GRID2: variants seen among roughly 807,000 people sequenced by gnomAD.
GRID2 encodes glutamate ionotropic receptor delta type subunit 2, also known as glutamate receptor ionotropic, delta-2.
Under a neutral mutation model 114.8 loss-of-function variants are expected in GRID2, and 33 were observed. That is an observed-to-expected ratio of 0.29 (90% CI 0.22 to 0.38). The LOEUF is 0.38. Among genes scored for constraint, GRID2 ranks in the 10% least tolerant of loss-of-function variants. The pLI is 1.00. For missense variants in GRID2, 1,184 were observed against 1,257.7 expected (o/e 0.94, Z 0.89); for synonymous variants, 505 against 449.9 (o/e 1.12, Z -1.55).
At chr4:93,300,648 T>C (rs1397238847) in intron 8 of GRID2, among the ~76,000 whole-genome samples, 1 of 152,200 alleles carries the variant, frequency 6.6e-6, no homozygotes, top group Non-Finnish European at 1.5e-5. Context: ...TTGTGGACTA[T>C]TGGCCCATAA....
At chr4:92,612,749 G>C (rs1050258115) in intron 2 of GRID2, among the ~76,000 whole-genome samples, 5 of 151,330 alleles carry the variant, frequency 3.3e-5, no homozygotes, top group South Asian at 2.1e-4. Flanking sequence ...TCTTGCTAAT[G>C]AATAAACTCT....
intron 1 of GRID2, among the ~76,000 whole-genome samples, chr4:92,533,182 G>GT (rs1331638804): frequency 0.038 from 5,518 of 143,878 alleles, 115 homozygotes; most frequent in Middle Eastern, 0.11. Flanking sequence ...CAACTTTGGT[G>GT]TGTTTTTTTG....
At chr4:92,434,021 C>T (rs4444795) in intron 1 of GRID2, among the ~76,000 whole-genome samples, 26,172 of 152,162 alleles carry the variant, frequency 0.17, 3,440 homozygotes, top group East Asian at 0.54. Flanking sequence ...TATAAACCCA[C>T]GTCAAAATTG....
intron 8 of GRID2, among the ~76,000 whole-genome samples, chr4:93,287,355 TAGA>T (rs953590808): frequency 6.6e-6 from 1 of 152,182 alleles, no homozygotes; most frequent in Non-Finnish European, 1.5e-5. Flanking sequence ...ACAGTGATAG[TAGA>T]AGAACTGGGA....
chr4:92,596,294 C>T (rs900070165), intron 2 of GRID2, among the ~76,000 whole-genome samples: 2 of 152,064 alleles, frequency 1.3e-5, no homozygotes, highest in Non-Finnish European at 2.9e-5. Context: ...TACTTTCCTT[C>T]CCACATCAAA....
intron 13 of GRID2, among the ~76,000 whole-genome samples, chr4:93,552,073 C>T (rs1733813479): frequency 7.0e-6 from 1 of 142,516 alleles, no homozygotes; most frequent in African/African-American, 2.6e-5. Flanking sequence ...TGTTCCCCTT[C>T]CTGTGTCCAT....
At chr4:93,707,423 C>A (rs1055150970) in intron 14 of GRID2, among the ~76,000 whole-genome samples, 3 of 152,080 alleles carry the variant, frequency 2.0e-5, no homozygotes, top group Admixed American at 1.3e-4. Context: ...CCTGCTTCAA[C>A]CTTGGTAGGT....
At chr4:92,946,661 G>C (rs1219181288) in intron 2 of GRID2, among the ~76,000 whole-genome samples, 3 of 151,964 alleles carry the variant, frequency 2.0e-5, no homozygotes, top group Non-Finnish European at 2.9e-5. Context: ...TCACCTCTAA[G>C]ACATAAACTG....
chr4:93,040,523 G>T (rs976837339), intron 2 of GRID2, among the ~76,000 whole-genome samples: 1 of 151,948 alleles, frequency 6.6e-6, no homozygotes, highest in Non-Finnish European at 1.5e-5. Flanking sequence ...TAATGTAAAG[G>T]GTATGTGGTT....
At chr4:93,199,742 G>A (rs1423332408) in intron 4 of GRID2, among the ~76,000 whole-genome samples, 2 of 152,202 alleles carry the variant, frequency 1.3e-5, no homozygotes, top group Non-Finnish European at 2.9e-5. Flanking sequence ...ATATCCCCAT[G>A]CTGCCCAGTG....
At chr4:93,066,637 A>G (rs927302021) in intron 2 of GRID2, among the ~76,000 whole-genome samples, 5 of 152,018 alleles carry the variant, frequency 3.3e-5, no homozygotes, top group African/African-American at 1.2e-4. Context: ...AATTATGTAG[A>G]AATATTTTTA....
intron 2 of GRID2, among the ~76,000 whole-genome samples, chr4:92,678,886 A>G (rs1733514001): frequency 1.3e-5 from 2 of 151,954 alleles, no homozygotes; most frequent in Non-Finnish European, 1.5e-5. Context: ...TGAGGATTAT[A>G]GAATAAGAAT....
intron 14 of GRID2, among the ~76,000 whole-genome samples, chr4:93,646,915 G>A (rs770507356): frequency 6.6e-6 from 1 of 152,164 alleles, no homozygotes; most frequent in South Asian, 2.1e-4. Flanking sequence ...TGAACCCAAA[G>A]TAGGTTAACA....
chr4:92,492,739 A>T (rs1345521284), intron 1 of GRID2, among the ~76,000 whole-genome samples: 1 of 152,168 alleles, frequency 6.6e-6, no homozygotes, highest in Non-Finnish European at 1.5e-5. Flanking sequence ...ATAGGTATTA[A>T]GGAGTCATAT....
At chr4:92,479,616 C>T (rs888135357) in intron 1 of GRID2, among the ~76,000 whole-genome samples, 1 of 151,936 alleles carries the variant, frequency 6.6e-6, no homozygotes, top group Non-Finnish European at 1.5e-5. Flanking sequence ...AAAGCAGAAC[C>T]AGATTTTGAA....
At chr4:92,653,891 A>C (rs1044043512) in intron 2 of GRID2, among the ~76,000 whole-genome samples, 19 of 152,116 alleles carry the variant, frequency 1.2e-4, no homozygotes, top group African/African-American at 4.3e-4. Context: ...CTTTTTGGCT[A>C]TTAGGATGGT....
chr4:93,805,063 T>A (rs1471918565), intron 1 of GRID2, among the ~76,000 whole-genome samples: 1 of 152,252 alleles, frequency 6.6e-6, no homozygotes, highest in Non-Finnish European at 1.5e-5. Context: ...ATTACAGTAA[T>A]AGATAATTAG....
chr4:93,289,282 A>C (rs1252454897), intron 8 of GRID2, among the ~76,000 whole-genome samples: 1 of 152,204 alleles, frequency 6.6e-6, no homozygotes, highest in African/African-American at 2.4e-5. Flanking sequence ...CTTCTGAAAG[A>C]AAAAATGATA....
At chr4:92,948,674 T>A (rs1431804904) in intron 2 of GRID2, among the ~76,000 whole-genome samples, 3 of 151,960 alleles carry the variant, frequency 2.0e-5, no homozygotes, top group African/African-American at 4.8e-5. Context: ...CGTTCTTAAT[T>A]TTTTAGGGAA....
Sources: gnomAD v4.1 joint callset for allele counts (sites outside exome capture counted in the v4.1 genomes callset) on GRCh38, gnomAD v4.1.1 for gene constraint, MANE v1.5 for transcripts, NCBI Gene and HGNC (gene_info 2026-07-23, HGNC 2026-07-21) for gene names.